FAM184A: variants seen among roughly 807,000 people sequenced by gnomAD.
FAM184A encodes protein FAM184A.
In FAM184A, 99 loss-of-function variants were observed where a neutral mutation model predicts 143.8. That is an observed-to-expected ratio of 0.69 (90% CI 0.58 to 0.81). The LOEUF (loss-of-function observed/expected upper bound fraction) is 0.81, where lower values mean the gene tolerates loss of function less well. Among genes scored for constraint, FAM184A ranks in the 40% least tolerant of loss-of-function variants. The pLI is 0.00. For synonymous variants in FAM184A, 427 were observed against 446.4 expected (o/e 0.96, Z 0.55); for missense variants, 1,217 against 1,310.5 (o/e 0.93, Z 1.10).
intron 9 of FAM184A, among the ~76,000 whole-genome samples, chr6:118,988,800 A>G (rs570307519): frequency 2.8e-4 from 42 of 151,742 alleles, no homozygotes; most frequent in Non-Finnish European, 5.4e-4. Flanking sequence ...AAACCTACAT[A>G]CCCCTCCCTC....
chr6:118,978,908 G>A (rs1171078614), intron 11 of FAM184A, among the ~76,000 whole-genome samples: 1 of 152,132 alleles, frequency 6.6e-6, no homozygotes, highest in Non-Finnish European at 1.5e-5. Context: ...AAGTAATGAT[G>A]TGAACACCTC....
At position 119,029,173 on chromosome 6, in the gene FAM184A, G is replaced by C. The variant is rs537746347; in HGVS notation, c.160-4360C>G. Among the ~76,000 whole-genome samples, 54 of 152,274 alleles carry C rather than the reference G, an allele frequency of 3.5e-4. 2 individuals are homozygous for C. The South Asian group carries it at 0.011, about 31-fold the overall frequency. On this transcript the variant is annotated intron_variant, in intron 1 of 17. Coordinates refer to ENST00000338891, the MANE Select transcript of FAM184A (RefSeq NM_024581.6). ...CAGTCCTAGCCACAAGGAAGGAAAA[G>C]AGAATTCAACGAGGTAAAATCCAAA...
At chr6:118,978,111 G>A (rs1783903085) in intron 11 of FAM184A, among the ~76,000 whole-genome samples, 1 of 152,072 alleles carries the variant, frequency 6.6e-6, no homozygotes, top group Non-Finnish European at 1.5e-5. Context: ...TTACAGGCAT[G>A]CGCCACCACG....
rs201699729 is a variant in FAM184A at position 119,015,894 on chromosome 6, C to A, written c.1530+853G>T. Reference sequence around the variant, plus strand: ...CAAGGTTTGTGAGTGCACCAATCGACACTCTGTATCTAGCTGCTCTGGTGG... The same window carrying A: ...CAAGGTTTGTGAGTGCACCAATCGAAACTCTGTATCTAGCTGCTCTGGTGG... On this transcript the variant is annotated intron_variant, in intron 5 of 17. Transcript: ENST00000338891. Among the ~76,000 whole-genome samples the A allele has an allele frequency of 4.2e-4, 64 of 152,342 alleles. No homozygotes were observed. In the East Asian group the frequency reaches 0.011, roughly 27 times the overall value.
chr6:119,027,966 T>C (rs978812336), intron 1 of FAM184A, among the ~76,000 whole-genome samples: 1 of 152,250 alleles, frequency 6.6e-6, no homozygotes, highest in South Asian at 2.1e-4. Context: ...GTTCTGAATC[T>C]ACCTACCATC....
At position 119,050,031 on chromosome 6, in the gene FAM184A, C is replaced by T. The variant is rs541453657; in HGVS notation, c.160-25218G>A. ...AGTGGACAAAGGACATGAACAGACA[C>T]TTTTCCAAAGAAGACATACATGCAG... On this transcript the variant is annotated intron_variant, in intron 1 of 17. Transcript: ENST00000338891. Among the ~76,000 whole-genome samples the T allele has an allele frequency of 8.5e-5, 13 of 152,272 alleles. No homozygotes were observed. The East Asian group carries it at 2.3e-3, about 27-fold the overall frequency.
intron 1 of FAM184A, among the ~76,000 whole-genome samples, chr6:119,059,181 T>C (rs1787125993): frequency 1.3e-5 from 2 of 152,138 alleles, no homozygotes; most frequent in East Asian, 3.9e-4. Context: ...TCTCACACTA[T>C]ATTGTCCAGG....
chr6:119,138,463 T>C (rs1772096801), intron 1 of FAM184A, among the ~76,000 whole-genome samples: 1 of 152,152 alleles, frequency 6.6e-6, no homozygotes, highest in African/African-American at 2.4e-5. Context: ...TTTCCTTACC[T>C]TACCAGCTTC....
intron 9 of FAM184A, among the ~76,000 whole-genome samples, chr6:118,981,273 C>A (rs1784013818): frequency 6.6e-6 from 1 of 152,152 alleles, no homozygotes; most frequent in African/African-American, 2.4e-5. Context: ...TTTCTATTCT[C>A]ATACACAGGA....
At chr6:119,093,605 C>T (rs1310463499) in intron 1 of FAM184A, among the ~76,000 whole-genome samples, 1 of 152,174 alleles carries the variant, frequency 6.6e-6, no homozygotes, top group Non-Finnish European at 1.5e-5. Flanking sequence ...TTTCAAGCTA[C>T]AGGCAGTTAG....
chr6:119,034,496 T>G (rs1299666510), intron 1 of FAM184A, among the ~76,000 whole-genome samples: 6 of 151,918 alleles, frequency 3.9e-5, no homozygotes, highest in African/African-American at 1.4e-4. Context: ...CTTTTCTTTG[T>G]CAATGAAGAT....
chr6:118,961,962 T>C lies in FAM184A; in HGVS notation c.3140A>G (p.Gln1047Arg), dbSNP rs1161176208. The C allele has an allele frequency of 9.3e-6, 15 of 1,613,416 alleles. No individual in the cohort carries two copies. Among genetic ancestry groups the C allele is most frequent in the Non-Finnish European group, 1.3e-5 (15 of 1,179,534 alleles). ...TGGTGATTTATCATTCTTCTTCTTT[T>C]GCTGCATTAAAAATAATACATGTGA... ...TVGVINPLAK[Q>R]KKKNDKSPTN... The change falls in exon 17 of 18, where the codon CAA becomes CGA. Residue 1047 changes from glutamine (Q) to arginine (R), a missense_variant and splice_region_variant. Transcript: ENST00000338891.
chr6:119,051,642 G>T lies in FAM184A; in HGVS notation c.159+26499C>A, dbSNP rs144574389. On this transcript the variant is annotated intron_variant, in intron 1 of 17. Transcript: ENST00000338891. ...TCTCATATACCCCATAAATATATAC[G>T]AGTACTATGTACCCACAAAATTTTT... Among the ~76,000 whole-genome samples, 1,151 of 151,716 alleles carry T rather than the reference G, an allele frequency of 7.6e-3. 8 individuals carry two copies. Among genetic ancestry groups the T allele is most frequent in the African/African-American group, 0.026 (1,092 of 41,322 alleles).
At chr6:119,002,831 T>G in intron 9 of FAM184A, 68 bp downstream of exon 9, 1 of 1,377,562 alleles carries the variant, frequency 7.3e-7, no homozygotes, top group Non-Finnish European at 9.7e-7. Context: ...AACAGAGTTT[T>G]ACAATATTTG....
At chr6:119,147,079 G>T (rs12210463) in intron 1 of FAM184A, among the ~76,000 whole-genome samples, 47,910 of 139,178 alleles carry the variant, frequency 0.34, 8,347 homozygotes, top group South Asian at 0.5. Flanking sequence ...TTTTTTTTTT[G>T]TTTTTTTGTC....
At chr6:119,070,841 G>A (rs752361554) in intron 1 of FAM184A, among the ~76,000 whole-genome samples, 8 of 151,492 alleles carry the variant, frequency 5.3e-5, no homozygotes, top group East Asian at 1.9e-4. Context: ...ACGAACTCCC[G>A]TCATTCACAT....
intron 1 of FAM184A, among the ~76,000 whole-genome samples, chr6:119,133,104 T>C (rs940740747): frequency 1.9e-4 from 29 of 152,202 alleles, no homozygotes; most frequent in African/African-American, 7.0e-4. Flanking sequence ...GTGGGATCAA[T>C]GAGGTAAACT....
intron 15 of FAM184A, 42 bp downstream of exon 15, chr6:118,966,791 CTA>C: frequency 1.1e-6 from 1 of 878,864 alleles, no homozygotes; most frequent in Non-Finnish European, 1.8e-6. Flanking sequence ...CAATCAATAT[CTA>C]TTGATTACTA....
chr6:118,977,555 TG>T (rs1238257487), intron 11 of FAM184A, among the ~76,000 whole-genome samples: 1 of 152,200 alleles, frequency 6.6e-6, no homozygotes, highest in East Asian at 1.9e-4. Context: ...ATTCTTAACC[TG>T]GGCAACAGAG....
Sources: gnomAD v4.1 joint callset for allele counts (sites outside exome capture counted in the v4.1 genomes callset) on GRCh38, gnomAD v4.1.1 for gene constraint, MANE v1.5 for transcripts, NCBI Gene and HGNC (gene_info 2026-07-23, HGNC 2026-07-21) for gene names.